BLNK: variants seen among roughly 807,000 people sequenced by gnomAD.
BLNK encodes the protein B cell linker.
In BLNK, 29 loss-of-function variants were observed where a neutral mutation model predicts 73.5. The ratio of observed to expected loss-of-function variants is 0.39; its 90% CI spans 0.29 to 0.54. BLNK has a LOEUF of 0.54. Among genes scored for constraint, BLNK ranks in the 20% least tolerant of loss-of-function variants. BLNK has a pLI of 0.61. For missense variants in BLNK, 460 were observed against 562.8 expected (o/e 0.82, Z 1.85); for synonymous variants, 176 against 200.8 (o/e 0.88, Z 1.04).
intron 3 of BLNK, among the ~76,000 whole-genome samples, chr10:96,232,243 C>T (rs182089714): frequency 6.6e-6 from 1 of 152,144 alleles, no homozygotes; most frequent in African/African-American, 2.4e-5. Flanking sequence ...ACAGAGGATC[C>T]AGTGGATGTT....
At chr10:96,231,656 G>A (rs936105838) in intron 3 of BLNK, among the ~76,000 whole-genome samples, 5 of 151,894 alleles carry the variant, frequency 3.3e-5, no homozygotes, top group South Asian at 2.1e-4. Flanking sequence ...GAGCCCAGGG[G>A]GTCGAGGCTG....
intron 1 of BLNK, among the ~76,000 whole-genome samples, chr10:96,269,337 G>A (rs1458991037): frequency 2.6e-5 from 4 of 151,528 alleles, no homozygotes; most frequent in African/African-American, 9.7e-5. Context: ...TTAAGTTCTA[G>A]CACCTTTACT....
chr10:96,259,670 CTTT>C (rs57821919), intron 1 of BLNK, among the ~76,000 whole-genome samples: 4 of 44,870 alleles, frequency 8.9e-5, no homozygotes, highest in African/African-American at 3.9e-4. Context: ...CACACCCTAC[CTTT>C]TTTTTTTTTT....
intron 5 of BLNK, among the ~76,000 whole-genome samples, chr10:96,224,699 T>A (rs1159941359): frequency 6.6e-6 from 1 of 152,226 alleles, no homozygotes; most frequent in Non-Finnish European, 1.5e-5. Flanking sequence ...TTTAATTTTT[T>A]AATTTTTTAT....
intron 1 of BLNK, among the ~76,000 whole-genome samples, chr10:96,254,045 A>G (rs1554910173): frequency 6.6e-6 from 1 of 151,866 alleles, no homozygotes; most frequent in African/African-American, 2.4e-5. Flanking sequence ...AAATTAAAAA[A>G]ATAAAAAAAA....
intron 1 of BLNK, among the ~76,000 whole-genome samples, chr10:96,260,672 G>A (rs897819558): frequency 6.6e-6 from 1 of 152,064 alleles, no homozygotes; most frequent in Non-Finnish European, 1.5e-5. Context: ...TGGCATTCAA[G>A]AACTCATATA....
In BLNK at chr10:96,202,618, G is replaced by A. The variant is rs117712139; in HGVS notation, c.934+1439C>T. Among the ~76,000 whole-genome samples, 287 of 152,224 alleles carry A rather than the reference G, an allele frequency of 1.9e-3. 2 individuals carry two copies. The highest frequency in any genetic ancestry group is 0.014 in the Admixed American group (211 of 15,286). On this transcript the variant is annotated intron_variant, in intron 13 of 16. Coordinates refer to ENST00000224337, the MANE Select transcript of BLNK (RefSeq NM_013314.4). ...GGCAGCCACCATTGTAAGAGGAGGG[G>A]GCAGTGAGGGCTTGGCAGGCCCAAC... is the stretch of plus-strand genomic sequence containing the variant.
chr10:96,265,119 C>CTTACTTAT (rs1843938646), intron 1 of BLNK, among the ~76,000 whole-genome samples: 1 of 136,958 alleles, frequency 7.3e-6, no homozygotes, highest in Admixed American at 7.4e-5. Context: ...CCACACCAGA[C>CTTACTTAT]TTATTTATTT....
intron 5 of BLNK, 64 bp downstream of exon 5, chr10:96,227,346 T>C: frequency 6.3e-7 from 1 of 1,592,026 alleles, no homozygotes; most frequent in Non-Finnish European, 8.5e-7. Context: ...CCCCGCAATC[T>C]TGGACACCCC....
At chr10:96,214,145 T>C (rs1194067752) in intron 8 of BLNK, among the ~76,000 whole-genome samples, 3 of 152,196 alleles carry the variant, frequency 2.0e-5, no homozygotes, top group African/African-American at 7.2e-5. Flanking sequence ...TGAATGTGTG[T>C]GTGTGTGTGC....
chr10:96,199,998 A>G (rs1180604295), intron 15 of BLNK, 77 bp downstream of exon 15: 1 of 1,094,820 alleles, frequency 9.1e-7, no homozygotes, highest in Admixed American at 3.2e-5. Context: ...ACTGCACTCC[A>G]GTGAAACTGC....
At chr10:96,247,909 C>G (rs1036230458) in intron 1 of BLNK, among the ~76,000 whole-genome samples, 7 of 152,226 alleles carry the variant, frequency 4.6e-5, no homozygotes, top group Non-Finnish European at 7.3e-5. Flanking sequence ...AACCAGTGCT[C>G]TTGAGCCACT....
At chr10:96,245,480 C>T (rs1843009648) in intron 2 of BLNK, among the ~76,000 whole-genome samples, 1 of 152,044 alleles carries the variant, frequency 6.6e-6, no homozygotes, top group South Asian at 2.1e-4. Flanking sequence ...AAGAAACAAC[C>T]AGAGAATTTT....
At chr10:96,206,550 CAAAAAAAAA>C (rs587613981) in intron 11 of BLNK, among the ~76,000 whole-genome samples, 1 of 127,008 alleles carries the variant, frequency 7.9e-6, no homozygotes, top group Admixed American at 8.1e-5. Context: ...GACCCTAACT[CAAAAAAAAA>C]AAAAAAAAGG....
intron 6 of BLNK, among the ~76,000 whole-genome samples, chr10:96,221,975 C>T (rs2084206881): frequency 6.6e-6 from 1 of 152,152 alleles, no homozygotes; most frequent in African/African-American, 2.4e-5. Flanking sequence ...GGCCCAGTTG[C>T]TTTGAGGCCA....
intron 13 of BLNK, among the ~76,000 whole-genome samples, chr10:96,202,011 G>A (rs1382750110): frequency 2.6e-5 from 4 of 152,148 alleles, no homozygotes; most frequent in Admixed American, 6.5e-5. Flanking sequence ...GGACATCCCA[G>A]GAAAGAATGT....
intron 5 of BLNK, among the ~76,000 whole-genome samples, chr10:96,227,184 A>G (rs978238041): frequency 6.6e-6 from 1 of 152,164 alleles, no homozygotes; most frequent in Admixed American, 6.5e-5. Context: ...CCTGCTTTCA[A>G]TGTTCCCAAT....
At chr10:96,224,073 T>C in intron 5 of BLNK, 84 bp from the exon 6 acceptor site, 1 of 1,517,278 alleles carries the variant, frequency 6.6e-7, no homozygotes, top group African/African-American at 1.4e-5. Context: ...CCAGAAAGTA[T>C]AAAACCACGG....
intron 5 of BLNK, among the ~76,000 whole-genome samples, chr10:96,224,820 C>T (rs2084281210): frequency 6.6e-6 from 1 of 152,192 alleles, no homozygotes; most frequent in African/African-American, 2.4e-5. Context: ...GCCTCAGCCT[C>T]TGAAGTAGCT....
Sources: allele counts gnomAD v4.1 joint callset (sites outside exome capture counted in the v4.1 genomes callset), GRCh38; gene constraint gnomAD v4.1.1; transcripts MANE v1.5; gene names NCBI Gene and HGNC (gene_info 2026-07-23, HGNC 2026-07-21).